NTRK3: variants seen among roughly 807,000 people sequenced by gnomAD.
NTRK3 encodes NT-3 growth factor receptor.
Under a neutral mutation model 91.7 loss-of-function variants are expected in NTRK3, and 24 were observed. The observed-to-expected ratio is 0.26, with a 90% CI of 0.19 to 0.37. The LOEUF (loss-of-function observed/expected upper bound fraction) is 0.37, where lower values mean the gene tolerates loss of function less well. Among genes scored for constraint, NTRK3 ranks in the 10% least tolerant of loss-of-function variants. NTRK3 has a pLI of 1.00. For missense variants in NTRK3, 880 were observed against 1,068.9 expected, an observed-to-expected ratio of 0.82 and a Z score of 2.46; for synonymous variants, 483 against 404.0, an observed-to-expected ratio of 1.20 and a Z score of -2.34.
At chr15:87,963,284 G>A (rs769924292) in intron 14 of NTRK3, among the ~76,000 whole-genome samples, 9 of 152,238 alleles carry the variant, frequency 5.9e-5, no homozygotes, top group Middle Eastern at 3.4e-3. Context: ...AAATACTTGT[G>A]CTGTTTTTCG....
At chr15:88,147,245 G>C in intron 6 of NTRK3, 90 bp downstream of exon 6, 1 of 1,206,948 alleles carries the variant, frequency 8.3e-7, no homozygotes, top group Non-Finnish European at 1.2e-6. Flanking sequence ...TGTATGCTCA[G>C]CCTTCAGGTG....
intron 3 of NTRK3, among the ~76,000 whole-genome samples, chr15:88,225,443 G>A (rs2050591655): frequency 6.6e-6 from 1 of 152,112 alleles, no homozygotes; most frequent in African/African-American, 2.4e-5. Context: ...AAAACCCTCT[G>A]TTTTCTGTAG....
chr15:88,193,991 C>T (rs903215288), intron 3 of NTRK3, among the ~76,000 whole-genome samples: 1 of 152,200 alleles, frequency 6.6e-6, no homozygotes, highest in African/African-American at 2.4e-5. Flanking sequence ...GATCCTACTA[C>T]TCTACTGAAA....
At chr15:88,013,720 G>T (rs1018635196) in intron 14 of NTRK3, among the ~76,000 whole-genome samples, 28 of 152,274 alleles carry the variant, frequency 1.8e-4, no homozygotes, top group Admixed American at 5.2e-4. Context: ...GGCCTGACTT[G>T]GCCAGGCACT....
intron 13 of NTRK3, among the ~76,000 whole-genome samples, chr15:88,077,460 C>G (rs374952577): frequency 3.3e-5 from 5 of 151,986 alleles, no homozygotes; most frequent in African/African-American, 1.2e-4. Context: ...GTTGTCTCCA[C>G]GCCTCCCCAT....
chr15:88,000,687 A>G (rs1298600254), intron 14 of NTRK3, among the ~76,000 whole-genome samples: 1 of 152,204 alleles, frequency 6.6e-6, no homozygotes, highest in Non-Finnish European at 1.5e-5. Context: ...GCAAGTACCA[A>G]TACTCTATTC....
exon 19 of NTRK3, chr15:87,863,572 A>G (rs563869308): frequency 4.5e-6 from 1 of 220,098 alleles, no homozygotes; most frequent in Non-Finnish European, 9.1e-6. Flanking sequence ...ATAGCCCTGA[A>G]GCAACCCTAG....
chr15:88,029,592 T>G (rs2078349054), intron 14 of NTRK3, among the ~76,000 whole-genome samples: 1 of 152,138 alleles, frequency 6.6e-6, no homozygotes, highest in South Asian at 2.1e-4. Flanking sequence ...ATTACACATT[T>G]TTAAATGGGA....
chr15:88,171,621 G>A (rs2151509154), intron 5 of NTRK3, among the ~76,000 whole-genome samples: 1 of 152,312 alleles, frequency 6.6e-6, no homozygotes, highest in South Asian at 2.1e-4. Flanking sequence ...GGTGCTTTAT[G>A]TTCACTCCTT....
chr15:88,125,870 C>T (rs1291124565), intron 13 of NTRK3, among the ~76,000 whole-genome samples: 1 of 152,236 alleles, frequency 6.6e-6, no homozygotes, highest in Non-Finnish European at 1.5e-5. Flanking sequence ...GTGCTGACGC[C>T]TTCCCAACAC....
At chr15:88,146,376 G>C (rs908247143) in intron 6 of NTRK3, among the ~76,000 whole-genome samples, 10 of 152,202 alleles carry the variant, frequency 6.6e-5, no homozygotes, top group Non-Finnish European at 1.5e-4. Flanking sequence ...TTGGTAAAGA[G>C]AGTAAAGCAA....
In NTRK3 at chr15:88,240,888, G is replaced by T. The variant is rs537424535; in HGVS notation, c.248+15018C>A. On this transcript the variant is annotated intron_variant, in intron 3 of 18. Transcript: ENST00000394480. The surrounding 1 kb of genome is among the most constrained non-coding windows in gnomAD (Gnocchi z 4.9). The stretch of plus-strand genomic sequence containing the variant: ...AGGGCAAAGCCCGAGGCCCACAAAG[G>T]TGTGGAGAGCAATGAGAATGGTGTG... 1.1e-4 allele frequency among the ~76,000 whole-genome samples: 17 copies of T among 152,364 alleles called. No homozygotes were observed. The South Asian group carries it at 3.5e-3, about 32-fold the overall frequency.
Position 88,256,176 on chromosome 15 carries a change from A to AGAG in NTRK3, c.-15-11_-15-9dup. 7.9e-7 allele frequency: 1 copy of AGAG among 1,266,638 alleles called. No homozygotes were observed. The highest frequency in any genetic ancestry group is 1.2e-5 in the South Asian group (1 of 83,914). 78.5% of individuals were successfully genotyped at this position (1,266,638 alleles called of 1,614,324 possible). Reference sequence around the variant, plus strand: ...CATCTCCGATCGCTGCTTCTAAAAAAGAGGAGGAGGAGAGGAGAGGGGGGT... The same window carrying AGAG: ...CATCTCCGATCGCTGCTTCTAAAAAAGAGGAGGAGGAGGAGAGGAGAGGGGGGT... On this transcript the variant is annotated splice_polypyrimidine_tract_variant and intron_variant, in intron 2 of 18. Transcript: ENST00000394480.
chr15:87,881,230 C>T (rs1212651270), intron 17 of NTRK3, among the ~76,000 whole-genome samples: 1 of 152,176 alleles, frequency 6.6e-6, no homozygotes, highest in Non-Finnish European at 1.5e-5. Context: ...GGAGAAAATT[C>T]ACAGCATGTG....
At chr15:88,127,103 T>C in intron 12 of NTRK3, 59 bp downstream of exon 12, 1 of 1,415,354 alleles carries the variant, frequency 7.1e-7, no homozygotes, top group African/African-American at 1.4e-5. Context: ...GCAACACAAA[T>C]GAAGTCTGAA....
chr15:87,924,198 C>T (rs1287101863), intron 17 of NTRK3, among the ~76,000 whole-genome samples: 1 of 152,130 alleles, frequency 6.6e-6, no homozygotes, highest in Non-Finnish European at 1.5e-5. Context: ...GAAGGTCATA[C>T]AGTCAGGAAT....
At chr15:88,063,002 C>T (rs903825134) in intron 13 of NTRK3, among the ~76,000 whole-genome samples, 3 of 152,234 alleles carry the variant, frequency 2.0e-5, no homozygotes, top group African/African-American at 4.8e-5. Flanking sequence ...CCCTCACCCA[C>T]ACACACACTT....
At chr15:88,056,748 C>T (rs1000745366) in intron 13 of NTRK3, among the ~76,000 whole-genome samples, 1 of 152,236 alleles carries the variant, frequency 6.6e-6, no homozygotes, top group Non-Finnish European at 1.5e-5. Context: ...TCAGTATCTC[C>T]CCATTGGGGT....
chr15:88,061,176 C>T (rs1327218212), intron 13 of NTRK3, among the ~76,000 whole-genome samples: 2 of 151,692 alleles, frequency 1.3e-5, no homozygotes, highest in African/African-American at 4.9e-5. Flanking sequence ...CCCCAACCAA[C>T]TAAAAGAAAA....
Sources: allele counts gnomAD v4.1 joint callset (sites outside exome capture counted in the v4.1 genomes callset), GRCh38; gene constraint gnomAD v4.1.1; non-coding constraint Gnocchi (gnomAD v3.1); transcripts MANE v1.5; gene names NCBI Gene and HGNC (gene_info 2026-07-23, HGNC 2026-07-21).